Variants in ST6GALNAC3 observed in about 807,000 individuals in gnomAD.
The protein encoded by ST6GALNAC3 is ST6 N-acetylgalactosaminide alpha-2,6-sialyltransferase 3, also known as alpha-N-acetylgalactosaminide alpha-2,6-sialyltransferase 3.
In ST6GALNAC3, 25 loss-of-function variants were observed where a neutral mutation model predicts 32.7. The observed-to-expected ratio is 0.76, with a 90% CI of 0.56 to 1.07. ST6GALNAC3 has a LOEUF of 1.07. Among genes scored for constraint, ST6GALNAC3 ranks in the 50% least tolerant of loss-of-function variants. ST6GALNAC3 has a pLI of 0.00. For missense variants in ST6GALNAC3, 355 were observed against 382.4 expected (o/e 0.93, Z 0.60); for synonymous variants, 129 against 133.1 (o/e 0.97, Z 0.21).
At chr1:76,211,230 A>T (rs2100573439) in intron 1 of ST6GALNAC3, among the ~76,000 whole-genome samples, 1 of 152,372 alleles carries the variant, frequency 6.6e-6, no homozygotes, top group South Asian at 2.1e-4. Flanking sequence ...TTGAAACCAC[A>T]ATGAGATACC....
intron 1 of ST6GALNAC3, among the ~76,000 whole-genome samples, chr1:76,133,114 T>C (rs1340800596): frequency 6.6e-6 from 1 of 152,204 alleles, no homozygotes; most frequent in African/African-American, 2.4e-5. Context: ...ACTACATCTT[T>C]CTGCTGGAGT....
chr1:76,124,418 C>G (rs1019091985), intron 1 of ST6GALNAC3, among the ~76,000 whole-genome samples: 1 of 152,166 alleles, frequency 6.6e-6, no homozygotes, highest in Non-Finnish European at 1.5e-5. Flanking sequence ...TGGGGAGGGG[C>G]CTGTTTCTGT....
At position 76,631,005 on chromosome 1, in the gene ST6GALNAC3, C is replaced by A; in HGVS notation, c.*2199C>A. On this transcript the variant is annotated 3_prime_UTR_variant, in exon 5 of 5. Coordinates refer to ENST00000328299, the MANE Select transcript of ST6GALNAC3 (RefSeq NM_152996.4). ...AGTTTTCTAATAAATGAAGGGCCAACTCTTATTTGTTCTAGCCCCTACTGA... is the reference window on the plus strand; with the variant it reads ...AGTTTTCTAATAAATGAAGGGCCAAATCTTATTTGTTCTAGCCCCTACTGA... 1 of 985,632 alleles carries A rather than the reference C, an allele frequency of 1.0e-6. No homozygotes were observed. The allele number at this position is 985,632 out of a possible 1,614,324, so 61.1% of individuals were successfully genotyped here.
chr1:76,360,014 A>G (rs1014382798), intron 2 of ST6GALNAC3, among the ~76,000 whole-genome samples: 1 of 151,952 alleles, frequency 6.6e-6, no homozygotes, highest in African/African-American at 2.4e-5. Context: ...AGTCGCTTTG[A>G]TGAATGTTTA....
chr1:76,140,823 T>C (rs2065780), intron 1 of ST6GALNAC3, among the ~76,000 whole-genome samples: 1 of 136,148 alleles, frequency 7.3e-6, no homozygotes, highest in Non-Finnish European at 1.6e-5. Context: ...TTTTTTTTGG[T>C]ATAGAGGGTC....
At chr1:76,114,719 G>A (rs1398970441) in intron 1 of ST6GALNAC3, among the ~76,000 whole-genome samples, 3 of 152,022 alleles carry the variant, frequency 2.0e-5, no homozygotes, top group African/African-American at 7.2e-5. Context: ...GACCAGCCTG[G>A]CCAACGTGGT....
Position 76,376,114 on chromosome 1 carries a change from T to A in ST6GALNAC3, c.214-35894T>A, listed in dbSNP as rs75558095. On this transcript the variant is annotated intron_variant, in intron 2 of 4. Coordinates refer to ENST00000328299, the MANE Select transcript of ST6GALNAC3 (RefSeq NM_152996.4). ...CTTCTCCCCTAAACCTTTTTTTTTT[T>A]AAAAAAAGAAAACATTTTATTATGA... Among the ~76,000 whole-genome samples, 1,051 of 150,212 alleles carry A rather than the reference T, an allele frequency of 7.0e-3. 11 individuals carry two copies. Among genetic ancestry groups the A allele is most frequent in the African/African-American group, 0.018 (720 of 41,004 alleles).
intron 1 of ST6GALNAC3, among the ~76,000 whole-genome samples, chr1:76,102,336 A>G (rs890463780): frequency 4.6e-5 from 7 of 151,998 alleles, no homozygotes; most frequent in Non-Finnish European, 8.8e-5. Flanking sequence ...TGTATACAGC[A>G]TATGGTTGAG....
intron 3 of ST6GALNAC3, among the ~76,000 whole-genome samples, chr1:76,603,489 C>T (rs1293750720): frequency 6.6e-6 from 1 of 152,092 alleles, no homozygotes; most frequent in Non-Finnish European, 1.5e-5. Flanking sequence ...CAAAATGATG[C>T]CGTTTATGTA....
chr1:76,385,107 C>T (rs1319587907), intron 2 of ST6GALNAC3, among the ~76,000 whole-genome samples: 2 of 151,912 alleles, frequency 1.3e-5, no homozygotes, highest in Non-Finnish European at 2.9e-5. Flanking sequence ...ACTTGTTATA[C>T]TTCATTAACA....
intron 1 of ST6GALNAC3, among the ~76,000 whole-genome samples, chr1:76,142,092 G>A (rs761808620): frequency 5.3e-5 from 8 of 152,180 alleles, no homozygotes; most frequent in Non-Finnish European, 1.0e-4. Context: ...GGAGCATTTA[G>A]TCAGGAAGAT....
intron 1 of ST6GALNAC3, among the ~76,000 whole-genome samples, chr1:76,147,076 T>C (rs1650733318): frequency 6.6e-6 from 1 of 151,592 alleles, no homozygotes; most frequent in Admixed American, 6.6e-5. Context: ...TTTTTTTTTT[T>C]TTTTTGAGAC....
chr1:76,147,986 C>T (rs989863617), intron 1 of ST6GALNAC3, among the ~76,000 whole-genome samples: 19 of 152,168 alleles, frequency 1.2e-4, no homozygotes, highest in African/African-American at 4.1e-4. Flanking sequence ...TTTTACCAGT[C>T]AGTTACATTC....
At position 76,548,760 on chromosome 1, in the gene ST6GALNAC3, A is replaced by G. The variant is rs371485007; in HGVS notation, c.624-78692A>G. On this transcript the variant is annotated intron_variant, in intron 3 of 4. Coordinates refer to ENST00000328299, the MANE Select transcript of ST6GALNAC3 (RefSeq NM_152996.4). ...GCCAAACTTCAGTGTCTGCCATGGT[A>G]TATGCCTCTCCCTCTCCTACCCCCC... 8.5e-5 allele frequency among the ~76,000 whole-genome samples: 13 copies of G among 152,226 alleles called. No homozygotes were observed. The East Asian group carries it at 1.7e-3, about 20-fold the overall frequency.
intron 1 of ST6GALNAC3, among the ~76,000 whole-genome samples, chr1:76,262,943 C>T (rs185130827): frequency 6.6e-6 from 1 of 152,192 alleles, no homozygotes; most frequent in East Asian, 1.9e-4. Context: ...GCTCACTGGG[C>T]CCAGGGTTGT....
intron 3 of ST6GALNAC3, among the ~76,000 whole-genome samples, chr1:76,595,290 C>G (rs1647117697): frequency 6.6e-6 from 1 of 152,108 alleles, no homozygotes; most frequent in Non-Finnish European, 1.5e-5. Context: ...AAGGTCAGTT[C>G]CTGGTTAACA....
intron 3 of ST6GALNAC3, among the ~76,000 whole-genome samples, chr1:76,595,413 T>C (rs1388636232): frequency 6.6e-6 from 1 of 152,130 alleles, no homozygotes; most frequent in Non-Finnish European, 1.5e-5. Context: ...CCCCCAAAGC[T>C]ATGCAGAGCC....
chr1:76,325,656 C>T (rs1026313306), intron 2 of ST6GALNAC3, among the ~76,000 whole-genome samples: 13 of 146,950 alleles, frequency 8.8e-5, no homozygotes, highest in South Asian at 6.5e-4. Flanking sequence ...TTCCAGCATG[C>T]CCCCGGAATG....
intron 1 of ST6GALNAC3, among the ~76,000 whole-genome samples, chr1:76,232,581 G>A (rs893908308): frequency 3.9e-5 from 6 of 152,288 alleles, no homozygotes; most frequent in African/African-American, 1.4e-4. Flanking sequence ...TCATCTGACC[G>A]GAGAAGGTCC....
Sources: allele counts gnomAD v4.1 joint callset (sites outside exome capture counted in the v4.1 genomes callset), GRCh38; gene constraint gnomAD v4.1.1; transcripts MANE v1.5; gene names NCBI Gene and HGNC (gene_info 2026-07-23, HGNC 2026-07-21).